Variants in MYBPC3 observed in about 807,000 individuals in gnomAD.
MYBPC3 encodes the protein myosin binding protein C3, also known as myosin-binding protein C, cardiac-type.
Under a neutral mutation model 159.3 loss-of-function variants are expected in MYBPC3, and 108 were observed. The observed-to-expected ratio is 0.68, with a 90% CI of 0.58 to 0.80. The LOEUF is 0.80. Among genes scored for constraint, MYBPC3 ranks in the 30% least tolerant of loss-of-function variants. The pLI is 0.00. For missense variants in MYBPC3, 1,631 were observed against 1,762.1 expected, an observed-to-expected ratio of 0.93 and a Z score of 1.33; for synonymous variants, 730 against 702.0, an observed-to-expected ratio of 1.04 and a Z score of -0.63.
rs1285873043 is a variant in MYBPC3 at position 47,339,799 on chromosome 11, G to A, written c.1928-9C>T. ...GTGGATCTTGGGAGGTTCTGCAGAAGACACAATGTAGTTCAGAGAAACGGG... is the reference window on the plus strand; with the variant it reads ...GTGGATCTTGGGAGGTTCTGCAGAAAACACAATGTAGTTCAGAGAAACGGG... On this transcript the variant is annotated splice_polypyrimidine_tract_variant and intron_variant, in intron 20 of 34. Coordinates refer to ENST00000545968, the MANE Select transcript of MYBPC3 (RefSeq NM_000256.3). 1 of 1,612,010 alleles carries A rather than the reference G, an allele frequency of 6.2e-7. No homozygotes were observed. The highest frequency in any genetic ancestry group is 8.5e-7 in the Non-Finnish European group (1 of 1,178,258).
At chr11:47,352,129 C>T (rs1171171671) in intron 1 of MYBPC3, among the ~76,000 whole-genome samples, 2 of 152,118 alleles carry the variant, frequency 1.3e-5, no homozygotes, top group Non-Finnish European at 2.9e-5. Flanking sequence ...CCACACCGTA[C>T]AGGCTCATGA....
rs2095877585 is a variant in MYBPC3 at position 47,332,063 on chromosome 11, G to T, written c.3814+9C>A. ...CATCTCCCAGGCCCTGGCCCCGAGGGCTCCTCACCTCGCACCTCCAGGCGG... is the reference window on the plus strand; with the variant it reads ...CATCTCCCAGGCCCTGGCCCCGAGGTCTCCTCACCTCGCACCTCCAGGCGG... On this transcript the variant is annotated intron_variant, in intron 33 of 34. Coordinates refer to ENST00000545968, the MANE Select transcript of MYBPC3 (RefSeq NM_000256.3). This position sits in a 1 kb window ranked among gnomAD's most constrained non-coding sequence, Gnocchi z 4.2. The T allele has an allele frequency of 6.2e-7, 1 of 1,606,476 alleles. No homozygotes were observed. Among genetic ancestry groups the T allele is most frequent in the East Asian group, 2.2e-5 (1 of 44,750 alleles).
At position 47,337,533 on chromosome 11, in the gene MYBPC3, C is replaced by T. The variant is rs532996422; in HGVS notation, c.2460G>A (p.Arg820=). The part of the protein sequence containing the change: ...RKKKKSYRWM[R]LNFDLIQELS... ...GCTCCTGAATCAGGTCGAAGTTCAG[C>T]CGCATCCACCGGTAGCTCTTCTTCT... The change falls in exon 25 of 35, where the codon CGG becomes CGA. Residue 820 remains arginine, a synonymous_variant. Transcript: ENST00000545968. 7.9e-5 allele frequency: 127 copies of T among 1,614,004 alleles called. No homozygotes were observed. The East Asian group carries it at 2.8e-3, about 35-fold the overall frequency.
At chr11:47,342,193 T>C in intron 17 of MYBPC3, 37 bp from the exon 18 acceptor site, 1 of 1,604,114 alleles carries the variant, frequency 6.2e-7, no homozygotes, top group Non-Finnish European at 8.5e-7. Context: ...CTCGGGAGGG[T>C]GTGTGGGTGT....
In MYBPC3 at chr11:47,338,687, G is replaced by T. The variant is rs397515950; in HGVS notation, c.2149-8C>A. 6.2e-7 allele frequency: 1 copy of T among 1,605,804 alleles called. No homozygotes were observed. The highest frequency in any genetic ancestry group is 8.5e-7 in the Non-Finnish European group (1 of 1,175,806). On this transcript the variant is annotated splice_region_variant and splice_polypyrimidine_tract_variant and intron_variant, in intron 22 of 34. Coordinates refer to ENST00000545968, the MANE Select transcript of MYBPC3 (RefSeq NM_000256.3). This position sits in a 1 kb window ranked among gnomAD's most constrained non-coding sequence, Gnocchi z 4.7. ...CTCGGTCTCACACAGCAGCTGGGGG[G>T]GTGCAGAGTTGGGGTGAGATCCAAG...
rs2095879689 is a variant in MYBPC3 at position 47,333,729 on chromosome 11, G to C, written c.3018C>G (p.Thr1006=). ...PFQGKPRPQV[T]WTKEGQPLAG... ...CCAGGGGCTGCCCCTCTTTGGTCCAGGTCACCTGAGGCCGGGGCTTGCCCT... is the reference window on the plus strand; with the variant it reads ...CCAGGGGCTGCCCCTCTTTGGTCCACGTCACCTGAGGCCGGGGCTTGCCCT... Residue 1006 remains threonine (T), a synonymous_variant, in exon 29 of 35, where the codon ACC becomes ACG. Coordinates refer to ENST00000545968, the MANE Select transcript of MYBPC3 (RefSeq NM_000256.3). The C allele has an allele frequency of 1.2e-6, 2 of 1,604,796 alleles. No individual in the cohort carries two copies. The highest frequency in any genetic ancestry group is 1.7e-5 in the Admixed American group (1 of 59,710).
intron 29 of MYBPC3, 29 bp from the exon 30 acceptor site, chr11:47,333,362 C>A: frequency 6.5e-7 from 1 of 1,535,424 alleles, no homozygotes. Flanking sequence ...GTTGGGTCAC[C>A]ACGCCTCCTG....
intron 7 of MYBPC3, 60 bp downstream of exon 7, chr11:47,347,797 C>A (rs1251589922): frequency 2.6e-6 from 4 of 1,548,548 alleles, no homozygotes; most frequent in Admixed American, 2.0e-5. Flanking sequence ...CCAGTCGAGA[C>A]CCTGAAGGGC....
chr11:47,343,559 C>T lies in MYBPC3; in HGVS notation c.1156G>A (p.Glu386Lys), dbSNP rs397515888. The change falls in exon 13 of 35, where the codon GAA (glutamate) becomes AAA (lysine). Residue 386 changes from glutamate to lysine, a missense_variant. By Grantham distance (56) the Glu-to-Lys change is moderately conservative. Coordinates refer to ENST00000545968, the MANE Select transcript of MYBPC3 (RefSeq NM_000256.3). ...ACCTCAGCGTCATGGTCAGCCAGTT[C>T]CACGGTCAGCCGGATCTTGTGGCCT... ...SKGHKIRLTV[E>K]LADHDAEVKW... 6.2e-7 allele frequency: 1 copy of T among 1,611,704 alleles called. No homozygotes were observed. Among genetic ancestry groups the T allele is most frequent in the Non-Finnish European group, 8.5e-7 (1 of 1,179,010 alleles).
At chr11:47,341,418 C>T (rs1424582153) in intron 18 of MYBPC3, among the ~76,000 whole-genome samples, 174 bp from the exon 19 acceptor site, 1 of 152,202 alleles carries the variant, frequency 6.6e-6, no homozygotes, top group Non-Finnish European at 1.5e-5. Flanking sequence ...TTTTAATGTG[C>T]CTTCAGAGGT....
At chr11:47,349,729 T>C in intron 5 of MYBPC3, 45 bp downstream of exon 5, 1 of 1,587,972 alleles carries the variant, frequency 6.3e-7, no homozygotes, top group Non-Finnish European at 8.5e-7. Flanking sequence ...TCTAGGGCTC[T>C]CCATGTCCCC....
chr11:47,349,987 A>G (rs533488243), intron 4 of MYBPC3, 27 bp downstream of exon 4: 2 of 1,560,752 alleles, frequency 1.3e-6, no homozygotes, highest in South Asian at 2.4e-5. Flanking sequence ...TCCCACCCCA[A>G]TGCTGGGCAC....
chr11:47,335,677 T>C (rs1352707661), intron 26 of MYBPC3, 200 bp downstream of exon 26: 6 of 485,806 alleles, frequency 1.2e-5, no homozygotes, highest in African/African-American at 4.0e-5. Context: ...CTCAAAGAAG[T>C]GTTACAGTCA....
chr11:47,351,808 G>A lies in MYBPC3; in HGVS notation c.26-303C>T, dbSNP rs924762037. Among the ~76,000 whole-genome samples, 3 of 152,262 alleles carry A rather than the reference G, an allele frequency of 2.0e-5. No homozygotes were observed. The highest frequency in any genetic ancestry group is 3.9e-4 in the East Asian group (2 of 5,170). On this transcript the variant is annotated intron_variant, in intron 1 of 34. Transcript: ENST00000545968. The surrounding 1 kb of genome is among the most constrained non-coding windows in gnomAD (Gnocchi z 4.2). Reference sequence around the variant, plus strand: ...CCACTTTCCCTGCTTGGAGACACCCGTGATGAACCCAGCTCCCTTTCCCCC... The same window carrying A: ...CCACTTTCCCTGCTTGGAGACACCCATGATGAACCCAGCTCCCTTTCCCCC...
Position 47,333,710 on chromosome 11 carries a change from G to T in MYBPC3, c.3037C>A (p.Pro1013Thr). ...ATGCTCACCTCCTCGCCTGCCAGGGGCTGCCCCTCTTTGGTCCAGGTCACC... is the reference window on the plus strand; with the variant it reads ...ATGCTCACCTCCTCGCCTGCCAGGGTCTGCCCCTCTTTGGTCCAGGTCACC... ...PQVTWTKEGQPLAGEEVSIRN... is the reference protein window; with the variant it reads ...PQVTWTKEGQTLAGEEVSIRN... Residue 1013 changes from proline (P) to threonine (T), a missense_variant, in exon 29 of 35, where the codon CCC becomes ACC. Coordinates refer to ENST00000545968, the MANE Select transcript of MYBPC3 (RefSeq NM_000256.3). 3.7e-6 allele frequency: 6 copies of T among 1,609,282 alleles called. No individual in the cohort carries two copies. The highest frequency in any genetic ancestry group is 8.5e-7 in the Non-Finnish European group (1 of 1,178,506).
intron 19 of MYBPC3, 52 bp downstream of exon 19, chr11:47,341,086 A>G: frequency 1.3e-6 from 2 of 1,567,262 alleles, no homozygotes; most frequent in South Asian, 2.3e-5. Context: ...GCCCAGTGAC[A>G]GGGGCTCCTG....
Position 47,346,909 on chromosome 11 carries a change from G to A in MYBPC3, c.908+118C>T, listed in dbSNP as rs889232505. The A allele has an allele frequency of 4.2e-5, 31 of 739,410 alleles. No individual in the cohort carries two copies. Among genetic ancestry groups the A allele is most frequent in the South Asian group, 7.1e-5 (5 of 70,836 alleles). 45.8% of individuals were successfully genotyped at this position (739,410 alleles called of 1,614,324 possible). Reference sequence around the variant, plus strand: ...AAGGCACAGAGACTCACCCCTGTCCGTGGGGAGCCGCACCCTGCTCTGAGT... The same window carrying A: ...AAGGCACAGAGACTCACCCCTGTCCATGGGGAGCCGCACCCTGCTCTGAGT... On this transcript the variant is annotated intron_variant, in intron 10 of 34. Transcript: ENST00000545968. The surrounding 1 kb of genome is among the most constrained non-coding windows in gnomAD (Gnocchi z 5.3).
intron 5 of MYBPC3, among the ~76,000 whole-genome samples, chr11:47,348,814 A>G (rs1292381698): frequency 6.7e-6 from 1 of 149,166 alleles, no homozygotes; most frequent in Non-Finnish European, 1.5e-5. Flanking sequence ...CTGAGGTGGG[A>G]GAATCGCTTG....
Position 47,343,155 on chromosome 11 carries a change from G to A in MYBPC3, c.1227-10C>T, listed in dbSNP as rs374673836. ...GGACTCAAAGATGTACCTGGGTGGGGGCCGCAGGGAAGTGGCAGGAAAGCT... is the reference window on the plus strand; with the variant it reads ...GGACTCAAAGATGTACCTGGGTGGGAGCCGCAGGGAAGTGGCAGGAAAGCT... On this transcript the variant is annotated splice_polypyrimidine_tract_variant and intron_variant, in intron 14 of 34. Coordinates refer to ENST00000545968, the MANE Select transcript of MYBPC3 (RefSeq NM_000256.3). 15 of 1,608,896 alleles carry A rather than the reference G, an allele frequency of 9.3e-6. No individual in the cohort carries two copies. The African/African-American group carries it at 1.6e-4, about 17-fold the overall frequency.
Sources: gnomAD v4.1 joint callset for allele counts (sites outside exome capture counted in the v4.1 genomes callset) on GRCh38, gnomAD v4.1.1 for gene constraint, Gnocchi (gnomAD v3.1) non-coding constraint, MANE v1.5 for transcripts, NCBI Gene and HGNC (gene_info 2026-07-23, HGNC 2026-07-21) for gene names.